Variants in CACNA2D4 observed in about 807,000 individuals in gnomAD.
CACNA2D4 encodes the protein voltage-dependent calcium channel subunit alpha-2/delta-4.
A neutral mutation model predicts 163.8 loss-of-function variants in CACNA2D4; 157 were observed. That is an observed-to-expected ratio of 0.96 (90% confidence interval 0.84 to 1.09). The LOEUF (loss-of-function observed/expected upper bound fraction) is 1.09, where lower values mean the gene tolerates loss of function less well. Ranked by LOEUF, CACNA2D4 falls within the 50% of genes least tolerant of loss-of-function variation. CACNA2D4 has a pLI of 0.00. For synonymous variants in CACNA2D4, 598 were observed against 586.9 expected, an observed-to-expected ratio of 1.02 and a Z score of -0.27; for missense variants, 1,410 against 1,479.9, an observed-to-expected ratio of 0.95 and a Z score of 0.78.
At chr12:1,882,591 C>G (rs1347202590) in intron 13 of CACNA2D4, among the ~76,000 whole-genome samples, 2 of 152,154 alleles carry the variant, frequency 1.3e-5, no homozygotes, top group Non-Finnish European at 2.9e-5. Flanking sequence ...GAGGAAGGAA[C>G]AACTTCGGAG....
rs2154445395 is a variant in CACNA2D4 at position 1,802,436 on chromosome 12, C to G, written c.2722-792G>C. Among the ~76,000 whole-genome samples, 1 of 152,318 alleles carries G rather than the reference C, an allele frequency of 6.6e-6. No individual in the cohort carries two copies. Among genetic ancestry groups the G allele is most frequent in the East Asian group, 1.9e-4 (1 of 5,188 alleles). On this transcript the variant is annotated intron_variant, in intron 29 of 37. Transcript: ENST00000382722. The surrounding 1 kb of genome is among the most constrained non-coding windows in gnomAD (Gnocchi z 4.7). ...CCCTTTTGTTGTCCATCAGCCAGCA[C>G]TTTGTGGCTTCTGTGCCCTGTGCCA...
chr12:1,797,401 C>A lies in CACNA2D4; in HGVS notation c.3113+17G>T. 1 of 1,509,180 alleles carries A rather than the reference C, an allele frequency of 6.6e-7. No individual in the cohort carries two copies. The highest frequency in any genetic ancestry group is 1.2e-5 in the South Asian group (1 of 83,442). 93.5% of individuals were successfully genotyped at this position (1,509,180 alleles called of 1,614,324 possible). On this transcript the variant is annotated intron_variant, in intron 35 of 37. Coordinates refer to ENST00000382722, the MANE Select transcript of CACNA2D4 (RefSeq NM_172364.5). ...GAGGAGTGTGGCGGGACGGGCGGCGCCGCCCTGCGGTCTTACTTCTGGCAG... is the reference window on the plus strand; with the variant it reads ...GAGGAGTGTGGCGGGACGGGCGGCGACGCCCTGCGGTCTTACTTCTGGCAG...
At chr12:1,904,998 A>C (rs1866622544) in intron 6 of CACNA2D4, among the ~76,000 whole-genome samples, 1 of 152,102 alleles carries the variant, frequency 6.6e-6, no homozygotes, top group Non-Finnish European at 1.5e-5. Flanking sequence ...TCTCAGGAGC[A>C]TATTAAAAGG....
At chr12:1,812,799 G>A (rs771316040) in intron 26 of CACNA2D4, among the ~76,000 whole-genome samples, 1 of 152,162 alleles carries the variant, frequency 6.6e-6, no homozygotes, top group Non-Finnish European at 1.5e-5. Context: ...CTGGTGATCG[G>A]GAAGGAGCGG....
At chr12:1,897,220 G>A (rs1367803313) in intron 6 of CACNA2D4, among the ~76,000 whole-genome samples, 5 of 152,176 alleles carry the variant, frequency 3.3e-5, no homozygotes, top group Non-Finnish European at 7.3e-5. Flanking sequence ...CCAGAGTCTG[G>A]GAAATGTGTG....
Position 1,846,582 on chromosome 12 carries a change from G to T in CACNA2D4, c.2342+12C>A. 2 of 1,579,440 alleles carry T rather than the reference G, an allele frequency of 1.3e-6. No individual in the cohort carries two copies. The highest frequency in any genetic ancestry group is 1.7e-6 in the Non-Finnish European group (2 of 1,167,196). On this transcript the variant is annotated intron_variant, in intron 24 of 37. Coordinates refer to ENST00000382722, the MANE Select transcript of CACNA2D4 (RefSeq NM_172364.5). ...CAGGGATTGCCCTCCCGAGGTGGCC[G>T]GCCCAACCCACCTGTCGGAGACCTT...
intron 6 of CACNA2D4, among the ~76,000 whole-genome samples, chr12:1,899,948 A>T (rs1866497990): frequency 6.6e-6 from 1 of 152,170 alleles, no homozygotes; most frequent in African/African-American, 2.4e-5. Flanking sequence ...TTCTCATAGG[A>T]ATGCAAGGAT....
intron 6 of CACNA2D4, among the ~76,000 whole-genome samples, chr12:1,905,468 C>T (rs1000280884): frequency 6.6e-6 from 1 of 152,036 alleles, no homozygotes; most frequent in African/African-American, 2.4e-5. Context: ...AAAGATTCCA[C>T]AAAAAACTGT....
chr12:1,803,256 G>C (rs1047436555), intron 29 of CACNA2D4, among the ~76,000 whole-genome samples: 6 of 152,226 alleles, frequency 3.9e-5, no homozygotes, highest in Non-Finnish European at 8.8e-5. Context: ...TTCCAGACAA[G>C]GGCTAGGCAG....
At chr12:1,810,673 C>A in intron 27 of CACNA2D4, 86 bp from the exon 28 acceptor site, 1 of 1,342,554 alleles carries the variant, frequency 7.4e-7, no homozygotes, top group South Asian at 1.3e-5. Flanking sequence ...GTGTGTGGTA[C>A]GTCTGCAGTG....
In CACNA2D4 at chr12:1,793,713, G is replaced by A. The variant is rs145150489; in HGVS notation, c.3356C>T (p.Pro1119Leu). 2.6e-3 allele frequency: 4,179 copies of A among 1,613,570 alleles called. 18 individuals carry two copies. The highest frequency in any genetic ancestry group is 3.8e-3 in the Middle Eastern group (23 of 6,046). Residue 1119 changes from proline to leucine, a missense_variant, in exon 38 of 38, where the codon CCG becomes CTG. Coordinates refer to ENST00000382722, the MANE Select transcript of CACNA2D4 (RefSeq NM_172364.5). ...ACACACAGGCAGCAGGAGTAGGGGC[G>A]GCGAGGCTGAGGTGTCCGAGGCGCC... is the stretch of plus-strand genomic sequence containing the variant. ...CGGASDTSAS[P>L]PLLLLPVCAW...
chr12:1,844,484 G>C lies in CACNA2D4; in HGVS notation c.2388C>G (p.Asp796Glu), dbSNP rs1342210044. ...PEDEASVFTL[D>E]RFPLWYRQAS... The stretch of plus-strand genomic sequence containing the variant: ...CCTGGCGGTACCACAGCGGGAAGCG[G>C]TCCAGGGTGAACACGCTGGCCTCGT... The change falls in exon 25 of 38, where the codon GAC (aspartate) becomes GAG (glutamate). Residue 796 changes from aspartate to glutamate, a missense_variant. Transcript: ENST00000382722. The surrounding 1 kb of genome is among the most constrained non-coding windows in gnomAD (Gnocchi z 4.2). 6.2e-7 allele frequency: 1 copy of C among 1,613,412 alleles called. No homozygotes were observed. Among genetic ancestry groups the C allele is most frequent in the East Asian group, 2.2e-5 (1 of 44,886 alleles).
intron 6 of CACNA2D4, among the ~76,000 whole-genome samples, chr12:1,891,476 T>C (rs1866279052): frequency 1.3e-5 from 2 of 152,092 alleles, no homozygotes; most frequent in Non-Finnish European, 2.9e-5. Flanking sequence ...AAGATGCAAC[T>C]ATTACACCAG....
At position 1,917,653 on chromosome 12, in the gene CACNA2D4, C is replaced by T. The variant is rs1348804976; in HGVS notation, c.227+594G>A. On this transcript the variant is annotated intron_variant, in intron 1 of 37. Transcript: ENST00000382722. This position sits in a 1 kb window ranked among gnomAD's most constrained non-coding sequence, Gnocchi z 4.3. Reference sequence around the variant, plus strand: ...CACATGACTGATACCGGGTTCTTTCCTGGAGCCGGTCTTAATGGCCGGCTA... The same window carrying T: ...CACATGACTGATACCGGGTTCTTTCTTGGAGCCGGTCTTAATGGCCGGCTA... Among the ~76,000 whole-genome samples the T allele has an allele frequency of 2.0e-5, 3 of 152,152 alleles. No individual in the cohort carries two copies. The highest frequency in any genetic ancestry group is 7.2e-5 in the African/African-American group (3 of 41,424).
At chr12:1,894,212 C>T (rs879486378) in intron 6 of CACNA2D4, among the ~76,000 whole-genome samples, 1 of 152,084 alleles carries the variant, frequency 6.6e-6, no homozygotes, top group Admixed American at 6.6e-5. Flanking sequence ...CCTGAACAGA[C>T]CAATAACACA....
At chr12:1,902,368 C>A (rs1045334689) in intron 6 of CACNA2D4, among the ~76,000 whole-genome samples, 2 of 151,616 alleles carry the variant, frequency 1.3e-5, no homozygotes, top group African/African-American at 4.8e-5. Flanking sequence ...CTACCCACAG[C>A]AATCAGACAG....
At chr12:1,855,673 A>G (rs1003571752) in intron 22 of CACNA2D4, among the ~76,000 whole-genome samples, 4 of 152,214 alleles carry the variant, frequency 2.6e-5, no homozygotes, top group Non-Finnish European at 5.9e-5. Context: ...GTCCACTTCT[A>G]GACAGTGGTA....
intron 18 of CACNA2D4, among the ~76,000 whole-genome samples, chr12:1,864,330 C>G (rs537829300): frequency 6.6e-6 from 1 of 152,328 alleles, no homozygotes; most frequent in East Asian, 1.9e-4. Context: ...GCACTACCAC[C>G]GTCCCTTAGA....
Position 1,883,038 on chromosome 12 carries a change from G to T in CACNA2D4, c.1352-38C>A. ...AGGCCGCGTGGGTGTGGAAGGCAGGGCTTCCCTGGGAACCCCTCGCCAGGG... is the reference window on the plus strand; with the variant it reads ...AGGCCGCGTGGGTGTGGAAGGCAGGTCTTCCCTGGGAACCCCTCGCCAGGG... On this transcript the variant is annotated intron_variant, in intron 12 of 37. Transcript: ENST00000382722. The surrounding 1 kb of genome is among the most constrained non-coding windows in gnomAD (Gnocchi z 4.5). The T allele has an allele frequency of 1.9e-6, 3 of 1,595,220 alleles. No individual in the cohort carries two copies. Among genetic ancestry groups the T allele is most frequent in the Non-Finnish European group, 2.6e-6 (3 of 1,170,296 alleles).
Sources: allele counts gnomAD v4.1 joint callset (sites outside exome capture counted in the v4.1 genomes callset), GRCh38; gene constraint gnomAD v4.1.1; non-coding constraint Gnocchi (gnomAD v3.1); transcripts MANE v1.5; gene names NCBI Gene and HGNC (gene_info 2026-07-23, HGNC 2026-07-21).